Variants in MYO1E observed in about 807,000 individuals in gnomAD.
MYO1E encodes the protein unconventional myosin-Ie.
In MYO1E, 68 loss-of-function variants were observed where a neutral mutation model predicts 151.1. The ratio of observed to expected loss-of-function variants is 0.45; its 90% CI spans 0.37 to 0.55. The LOEUF (loss-of-function observed/expected upper bound fraction) is 0.55, where lower values mean the gene tolerates loss of function less well. Ranked by LOEUF, MYO1E falls within the 20% of genes least tolerant of loss-of-function variation. The pLI, the probability that MYO1E is intolerant of heterozygous loss-of-function variation, is 0.00. For synonymous variants in MYO1E, 601 were observed against 501.7 expected, an observed-to-expected ratio of 1.20 and a Z score of -2.64; for missense variants, 1,363 against 1,389.3, an observed-to-expected ratio of 0.98 and a Z score of 0.30.
chr15:59,151,304 C>T (rs1014935565), intron 26 of MYO1E, among the ~76,000 whole-genome samples: 1 of 151,794 alleles, frequency 6.6e-6, no homozygotes, highest in Non-Finnish European at 1.5e-5. Flanking sequence ...GTGGCACGCA[C>T]CTGTAGTCCC....
intron 26 of MYO1E, among the ~76,000 whole-genome samples, chr15:59,142,518 T>A (rs2079416420): frequency 6.6e-6 from 1 of 152,236 alleles, no homozygotes; most frequent in South Asian, 2.1e-4. Context: ...GTCCTTCGTG[T>A]CTTCCTTGCC....
intron 2 of MYO1E, among the ~76,000 whole-genome samples, chr15:59,271,401 G>A (rs1322662566): frequency 6.6e-6 from 1 of 152,126 alleles, no homozygotes; most frequent in African/African-American, 2.4e-5. Flanking sequence ...AGGCACTATT[G>A]GCATCAAAGT....
At chr15:59,214,810 C>A (rs548073963) in intron 10 of MYO1E, 90 bp from the exon 11 acceptor site, 2 of 962,786 alleles carry the variant, frequency 2.1e-6, no homozygotes, top group African/African-American at 3.2e-5. Context: ...GGATTCTACA[C>A]GGCAAACACT....
intron 1 of MYO1E, among the ~76,000 whole-genome samples, chr15:59,370,346 T>C (rs1371047508): frequency 1.3e-5 from 2 of 152,374 alleles, no homozygotes; most frequent in East Asian, 3.9e-4. Flanking sequence ...CTAAGGCAAC[T>C]TCACATACAT....
intron 9 of MYO1E, among the ~76,000 whole-genome samples, chr15:59,219,863 C>G (rs2079942967): frequency 6.6e-6 from 1 of 152,134 alleles, no homozygotes; most frequent in Non-Finnish European, 1.5e-5. Flanking sequence ...ACTTTGAGGC[C>G]TGTTGTGGAA....
chr15:59,312,353 T>C (rs1391734839), intron 1 of MYO1E, among the ~76,000 whole-genome samples: 1 of 152,084 alleles, frequency 6.6e-6, no homozygotes, highest in Non-Finnish European at 1.5e-5. Context: ...AAAGGTTCCG[T>C]GGAGGAACAG....
At chr15:59,332,117 C>A in intron 1 of MYO1E, among the ~76,000 whole-genome samples, 1 of 152,160 alleles carries the variant, frequency 6.6e-6, no homozygotes, top group Non-Finnish European at 1.5e-5. Context: ...CTTCCTTTAC[C>A]ATTTTGTGTC....
chr15:59,305,059 G>A (rs996920227), intron 1 of MYO1E, among the ~76,000 whole-genome samples: 2 of 152,220 alleles, frequency 1.3e-5, no homozygotes, highest in African/African-American at 4.8e-5. Context: ...GCAACACTGT[G>A]AACGAGTGGT....
At chr15:59,177,298 G>A (rs1474938463) in intron 19 of MYO1E, among the ~76,000 whole-genome samples, 4 of 150,822 alleles carry the variant, frequency 2.7e-5, no homozygotes, top group Non-Finnish European at 5.9e-5. Context: ...TAATAATCTT[G>A]ATGTCTCACA....
rs533874180 is a variant in MYO1E, at chr15:59,242,061, G to A, written c.333-5389C>T. Reference sequence around the variant, plus strand: ...GACAGTGACCTTGGGTTCAGGTTTGGGGATGCACCAAGGGTTCTGGCCTGT... The same window carrying A: ...GACAGTGACCTTGGGTTCAGGTTTGAGGATGCACCAAGGGTTCTGGCCTGT... On this transcript the variant is annotated intron_variant, in intron 4 of 27. Coordinates refer to ENST00000288235, the MANE Select transcript of MYO1E (RefSeq NM_004998.4). Among the ~76,000 whole-genome samples, 5 of 152,332 alleles carry A rather than the reference G, an allele frequency of 3.3e-5. No homozygotes were observed. In the East Asian group the frequency reaches 9.6e-4, roughly 29 times the overall value.
intron 3 of MYO1E, among the ~76,000 whole-genome samples, chr15:59,258,062 AG>A (rs772820559): frequency 8.5e-5 from 13 of 152,202 alleles, no homozygotes; most frequent in Non-Finnish European, 1.6e-4. Context: ...AGAAAATGGA[AG>A]TGAGGGCTGG....
At chr15:59,305,077 G>A (rs534012956) in intron 1 of MYO1E, among the ~76,000 whole-genome samples, 35 of 152,330 alleles carry the variant, frequency 2.3e-4, no homozygotes, top group African/African-American at 7.2e-4. Flanking sequence ...GGTGTATAGC[G>A]TCCACTGTCA....
At chr15:59,371,738 G>A (rs1254181602) in intron 1 of MYO1E, among the ~76,000 whole-genome samples, 1 of 152,158 alleles carries the variant, frequency 6.6e-6, no homozygotes, top group Non-Finnish European at 1.5e-5. Flanking sequence ...CCTCGCGCTT[G>A]GGAAGGGGTG....
At chr15:59,361,917 A>ACCT (rs1257260750) in intron 1 of MYO1E, among the ~76,000 whole-genome samples, 3 of 151,630 alleles carry the variant, frequency 2.0e-5, no homozygotes, top group Non-Finnish European at 4.4e-5. Context: ...GCTTACTGCA[A>ACCT]CCTCCTCCTC....
intron 1 of MYO1E, among the ~76,000 whole-genome samples, chr15:59,297,437 A>ATTTTT (rs755470049): frequency 1.6e-5 from 1 of 63,454 alleles, no homozygotes; most frequent in African/African-American, 4.0e-5. Context: ...CACCCAGCTA[A>ATTTTT]TTTTTTTTTT....
At chr15:59,208,961 T>C in intron 13 of MYO1E, 113 bp from the exon 14 acceptor site, 3 of 1,264,288 alleles carry the variant, frequency 2.4e-6, no homozygotes, top group Admixed American at 1.9e-5. Flanking sequence ...GATACCATCT[T>C]GAAAGTCAGT....
intron 17 of MYO1E, among the ~76,000 whole-genome samples, chr15:59,193,666 G>A (rs2079747950): frequency 6.6e-6 from 1 of 152,174 alleles, no homozygotes. Flanking sequence ...GCAAAGTAAT[G>A]AGAATGATTC....
chr15:59,286,979 G>A (rs1387692334), intron 1 of MYO1E, among the ~76,000 whole-genome samples: 1 of 152,144 alleles, frequency 6.6e-6, no homozygotes, highest in African/African-American at 2.4e-5. Context: ...TAATCCACAT[G>A]GCAGATCAGT....
intron 9 of MYO1E, among the ~76,000 whole-genome samples, chr15:59,222,762 T>C (rs1308763110): frequency 6.6e-6 from 1 of 152,244 alleles, no homozygotes; most frequent in Non-Finnish European, 1.5e-5. Context: ...GAGATCACTT[T>C]ATCTTTAAAC....
Sources: gnomAD v4.1 joint callset for allele counts (sites outside exome capture counted in the v4.1 genomes callset) on GRCh38, gnomAD v4.1.1 for gene constraint, MANE v1.5 for transcripts, NCBI Gene and HGNC (gene_info 2026-07-23, HGNC 2026-07-21) for gene names.